PTPRM: variants seen among roughly 807,000 people sequenced by gnomAD.
The protein encoded by PTPRM is receptor-type tyrosine-protein phosphatase mu.
PTPRM carries 47 observed loss-of-function variants against 186.7 expected under a neutral mutation model. That is an observed-to-expected ratio of 0.25 (90% CI 0.20 to 0.32). The LOEUF (loss-of-function observed/expected upper bound fraction) is 0.32, where lower values mean the gene tolerates loss of function less well. PTPRM is among the 10% of genes least tolerant of loss of function. The pLI is 1.00. For missense variants in PTPRM, 1,494 were observed against 1,865.0 expected (o/e 0.80, Z 3.66); for synonymous variants, 668 against 674.9 (o/e 0.99, Z 0.16).
At chr18:7,785,112 G>A (rs1439539737) in intron 2 of PTPRM, among the ~76,000 whole-genome samples, 2 of 152,224 alleles carry the variant, frequency 1.3e-5, no homozygotes, top group African/African-American at 4.8e-5. Flanking sequence ...TCTAGGGACT[G>A]CCAAGTACAT....
chr18:7,634,970 G>A (rs969485792), intron 1 of PTPRM, among the ~76,000 whole-genome samples: 8 of 152,038 alleles, frequency 5.3e-5, no homozygotes, highest in Admixed American at 3.9e-4. Context: ...TATCACACAG[G>A]CATATCTTTT....
At chr18:7,728,685 G>A (rs1442425193) in intron 1 of PTPRM, among the ~76,000 whole-genome samples, 1 of 152,220 alleles carries the variant, frequency 6.6e-6, no homozygotes, top group Non-Finnish European at 1.5e-5. Context: ...CCTTCAGGCT[G>A]TTTTAGGCTT....
At chr18:7,756,259 A>G (rs373200597) in intron 1 of PTPRM, among the ~76,000 whole-genome samples, 1 of 152,316 alleles carries the variant, frequency 6.6e-6, no homozygotes, top group African/African-American at 2.4e-5. Flanking sequence ...TTGAAAAGCA[A>G]ACAAGCAGTT....
rs548111857 is a variant in PTPRM at position 8,237,923 on chromosome 18, C to T, written c.2301-6135C>T. Among the ~76,000 whole-genome samples the T allele has an allele frequency of 4.0e-5, 6 of 151,224 alleles. No individual in the cohort carries two copies. In the East Asian group the frequency reaches 1.2e-3, roughly 29 times the overall value. ...GGAGAAGTGCAATGTAATTCTTATCCTCACTCCTCTGTAAGTAACGTGTTT... is the reference window on the plus strand; with the variant it reads ...GGAGAAGTGCAATGTAATTCTTATCTTCACTCCTCTGTAAGTAACGTGTTT... On this transcript the variant is annotated intron_variant, in intron 14 of 32. Transcript: ENST00000580170.
chr18:7,747,838 T>G (rs1055122984), intron 1 of PTPRM, among the ~76,000 whole-genome samples: 3 of 152,102 alleles, frequency 2.0e-5, no homozygotes, highest in Non-Finnish European at 4.4e-5. Context: ...CATAAGAATC[T>G]GGGGGGATGA....
chr18:8,064,671 G>C (rs1190502496), intron 7 of PTPRM, among the ~76,000 whole-genome samples: 1 of 152,166 alleles, frequency 6.6e-6, no homozygotes, highest in African/African-American at 2.4e-5. Flanking sequence ...GTAAATTAAA[G>C]ATTGTTGTAT....
chr18:8,364,430 C>T (rs929245442), intron 23 of PTPRM, among the ~76,000 whole-genome samples: 1 of 152,186 alleles, frequency 6.6e-6, no homozygotes, highest in Admixed American at 6.5e-5. Flanking sequence ...CTCCATCACA[C>T]TGAGACCAGA....
intron 29 of PTPRM, 127 bp from the exon 30 acceptor site, chr18:8,384,434 G>T (rs1053594583): frequency 2.8e-6 from 3 of 1,065,350 alleles, no homozygotes; most frequent in Middle Eastern, 6.2e-4. Context: ...CTCTAGCTGG[G>T]GAGACAGAGC....
At chr18:7,806,645 CAG>C (rs1375271687) in intron 2 of PTPRM, among the ~76,000 whole-genome samples, 1 of 152,184 alleles carries the variant, frequency 6.6e-6, no homozygotes, top group Non-Finnish European at 1.5e-5. Flanking sequence ...GGGCTGTGGC[CAG>C]AGACTCTGGC....
chr18:8,223,790 A>AT (rs2094182154), intron 14 of PTPRM, among the ~76,000 whole-genome samples: 3 of 152,226 alleles, frequency 2.0e-5, no homozygotes, highest in African/African-American at 7.2e-5. Context: ...CATAACATTT[A>AT]ATATGGTGGG....
intron 14 of PTPRM, among the ~76,000 whole-genome samples, chr18:8,210,339 A>G (rs898620958): frequency 6.6e-6 from 1 of 152,102 alleles, no homozygotes; most frequent in Non-Finnish European, 1.5e-5. Context: ...TGGGGTGGAA[A>G]TTGAGACACA....
chr18:8,328,460 T>C (rs888846167), intron 22 of PTPRM, among the ~76,000 whole-genome samples: 1 of 152,252 alleles, frequency 6.6e-6, no homozygotes, highest in Non-Finnish European at 1.5e-5. Context: ...CAGCTTGCAC[T>C]TCAAGTGCAA....
In PTPRM at chr18:8,184,441, T is replaced by G. The variant is rs558803547; in HGVS notation, c.2300+40662T>G. Among the ~76,000 whole-genome samples, 10 of 152,304 alleles carry G rather than the reference T, an allele frequency of 6.6e-5. No homozygotes were observed. The South Asian group carries it at 2.1e-3, about 32-fold the overall frequency. On this transcript the variant is annotated intron_variant, in intron 14 of 32. Transcript: ENST00000580170. Reference sequence around the variant, plus strand: ...CCTGAGAGTCTTGGATACCCTGTCCTCTGTGCCTTCAGAGGAGACGAGTGA... The same window carrying G: ...CCTGAGAGTCTTGGATACCCTGTCCGCTGTGCCTTCAGAGGAGACGAGTGA...
At chr18:8,102,954 C>G (rs1568345150) in intron 11 of PTPRM, among the ~76,000 whole-genome samples, 1 of 152,240 alleles carries the variant, frequency 6.6e-6, no homozygotes, top group Non-Finnish European at 1.5e-5. Context: ...CAGCATTCAT[C>G]CCATGTACGT....
chr18:7,983,218 C>T (rs556214009), intron 7 of PTPRM, among the ~76,000 whole-genome samples: 7 of 152,158 alleles, frequency 4.6e-5, no homozygotes, highest in South Asian at 2.1e-4. Flanking sequence ...AGATCAGCAG[C>T]GGCCATTAGA....
chr18:7,952,306 T>C (rs1482911096), intron 6 of PTPRM, among the ~76,000 whole-genome samples: 1 of 152,262 alleles, frequency 6.6e-6, no homozygotes, highest in African/African-American at 2.4e-5. Flanking sequence ...AGAAATATTT[T>C]AAATTGCATT....
At chr18:7,973,949 A>G (rs2054751832) in intron 7 of PTPRM, among the ~76,000 whole-genome samples, 1 of 150,888 alleles carries the variant, frequency 6.6e-6, no homozygotes, top group Non-Finnish European at 1.5e-5. Context: ...TAGAGTATTT[A>G]GTCAGTGAGA....
chr18:7,868,015 G>A (rs542861196), intron 2 of PTPRM, among the ~76,000 whole-genome samples: 11 of 152,134 alleles, frequency 7.2e-5, no homozygotes, highest in African/African-American at 1.9e-4. Context: ...TATGCTTCAC[G>A]AAGTTCTCGT....
intron 4 of PTPRM, among the ~76,000 whole-genome samples, chr18:7,924,367 G>T (rs1467838719): frequency 6.6e-6 from 1 of 152,066 alleles, no homozygotes; most frequent in Non-Finnish European, 1.5e-5. Flanking sequence ...TTTATTAGAA[G>T]AAATTTGTTT....
Sources: gnomAD v4.1 joint callset for allele counts (sites outside exome capture counted in the v4.1 genomes callset) on GRCh38, gnomAD v4.1.1 for gene constraint, MANE v1.5 for transcripts, NCBI Gene and HGNC (gene_info 2026-07-23, HGNC 2026-07-21) for gene names.